The following LMBRD1 variants were observed in gnomAD, a reference collection of about 807,000 sequenced individuals.
LMBRD1 encodes lysosomal cobalamin transport escort protein LMBD1.
A neutral mutation model predicts 74.8 loss-of-function variants in LMBRD1; 64 were observed. That is an observed-to-expected ratio of 0.86 (90% CI 0.70 to 1.05). The LOEUF is 1.05. LMBRD1 is among the 50% of genes least tolerant of loss of function. LMBRD1 has a pLI of 0.00. For synonymous variants in LMBRD1, 204 were observed against 216.3 expected (o/e 0.94, Z 0.50); for missense variants, 652 against 645.9 (o/e 1.01, Z -0.10).
chr6:69,766,859 C>T (rs1765484290), intron 3 of LMBRD1, among the ~76,000 whole-genome samples: 1 of 151,500 alleles, frequency 6.6e-6, no homozygotes, highest in Non-Finnish European at 1.5e-5. Context: ...ATGGGGTTCT[C>T]TTTGTGGGAA....
rs539084833 is a variant in LMBRD1 at position 69,777,078 on chromosome 6, G to A, written c.307+3416C>T. Among the ~76,000 whole-genome samples the A allele has an allele frequency of 2.0e-3, 298 of 152,168 alleles. 1 individual carries two copies. The highest frequency in any genetic ancestry group is 7.0e-3 in the African/African-American group (289 of 41,494). ...CAAGAGAATCACTTGAACCTGGGAGGCGAAGGTTGCAGTGAGCCAAAATTG... is the reference window on the plus strand; with the variant it reads ...CAAGAGAATCACTTGAACCTGGGAGACGAAGGTTGCAGTGAGCCAAAATTG... On this transcript the variant is annotated intron_variant, in intron 3 of 15. Transcript: ENST00000649934.
intron 14 of LMBRD1, among the ~76,000 whole-genome samples, chr6:69,688,164 A>AAG (rs1260596479): frequency 6.6e-6 from 1 of 152,092 alleles, no homozygotes; most frequent in Non-Finnish European, 1.5e-5. Flanking sequence ...TTCACCCTTT[A>AAG]AGACTTAGTT....
Position 69,790,309 on chromosome 6 carries a change from T to A in LMBRD1, c.233A>T (p.Asn78Ile). Reference protein sequence around the residue: ...IFLVSYMKNQNGTFKDWANAN... With the variant: ...IFLVSYMKNQIGTFKDWANAN... Reference sequence around the variant, plus strand: ...GATTATATTTACCTTAAATGTACCATTTTGATTTTTCATGTAAGAAACCAA... The same window carrying A: ...GATTATATTTACCTTAAATGTACCAATTTGATTTTTCATGTAAGAAACCAA... Residue 78 changes from asparagine (N) to isoleucine (I), a missense_variant, in exon 2 of 16, where the codon AAT becomes ATT. Transcript: ENST00000649934. The A allele has an allele frequency of 6.2e-7, 1 of 1,609,906 alleles. No individual in the cohort carries two copies. The highest frequency in any genetic ancestry group is 8.5e-7 in the Non-Finnish European group (1 of 1,176,304).
At chr6:69,737,873 A>T in intron 7 of LMBRD1, 69 bp downstream of exon 7, 1 of 980,792 alleles carries the variant, frequency 1.0e-6, no homozygotes, top group Non-Finnish European at 1.6e-6. Flanking sequence ...AATAAAGTTT[A>T]ATAAATTACT....
At chr6:69,765,229 C>T (rs1356095259) in intron 3 of LMBRD1, among the ~76,000 whole-genome samples, 1 of 152,090 alleles carries the variant, frequency 6.6e-6, no homozygotes, top group South Asian at 2.1e-4. Flanking sequence ...TTGTGCCCCC[C>T]TCCCTTAATT....
intron 12 of LMBRD1, among the ~76,000 whole-genome samples, chr6:69,699,819 T>A (rs1234305356): frequency 2.0e-5 from 3 of 151,868 alleles, no homozygotes; most frequent in Non-Finnish European, 2.9e-5. Context: ...ACAATTGTAC[T>A]ATTGTAGTAC....
chr6:69,697,675 C>A, intron 13 of LMBRD1, 34 bp from the exon 14 acceptor site: 1 of 1,256,136 alleles, frequency 8.0e-7, no homozygotes, highest in Non-Finnish European at 1.2e-6. Context: ...AATATAAAAA[C>A]CGCATTAATA....
chr6:69,759,308 T>C (rs1765327575), intron 3 of LMBRD1, among the ~76,000 whole-genome samples: 1 of 152,106 alleles, frequency 6.6e-6, no homozygotes, highest in Admixed American at 6.6e-5. Flanking sequence ...AGACAGACTT[T>C]TCAACTCATT....
At chr6:69,777,635 A>G (rs1366819027) in intron 3 of LMBRD1, among the ~76,000 whole-genome samples, 1 of 152,036 alleles carries the variant, frequency 6.6e-6, no homozygotes, top group Non-Finnish European at 1.5e-5. Flanking sequence ...ACTGATCTTC[A>G]ACATCTCTCC....
chr6:69,687,145 A>G (rs1765780387), intron 14 of LMBRD1, among the ~76,000 whole-genome samples: 1 of 151,878 alleles, frequency 6.6e-6, no homozygotes, highest in East Asian at 1.9e-4. Context: ...CTATTCCTCT[A>G]CCTCCTCAAG....
intron 14 of LMBRD1, among the ~76,000 whole-genome samples, chr6:69,695,463 T>C (rs1765975238): frequency 6.6e-6 from 1 of 152,110 alleles, no homozygotes; most frequent in Non-Finnish European, 1.5e-5. Flanking sequence ...TATGTACCCC[T>C]GAGGGATTGG....
chr6:69,719,252 G>A (rs139938700), intron 7 of LMBRD1, among the ~76,000 whole-genome samples, 171 bp from the exon 8 acceptor site: 334 of 152,166 alleles, frequency 2.2e-3, no homozygotes, highest in Non-Finnish European at 3.6e-3. Context: ...TAATTCTCCC[G>A]TTTATTTTGC....
intron 9 of LMBRD1, among the ~76,000 whole-genome samples, chr6:69,708,026 A>C (rs1766300064): frequency 6.6e-6 from 1 of 152,180 alleles, no homozygotes; most frequent in African/African-American, 2.4e-5. Context: ...AATTACAAAC[A>C]TAAATTTATA....
At chr6:69,716,080 G>C (rs1452285694) in intron 8 of LMBRD1, among the ~76,000 whole-genome samples, 1 of 152,110 alleles carries the variant, frequency 6.6e-6, no homozygotes, top group Non-Finnish European at 1.5e-5. Flanking sequence ...GTGAACATTT[G>C]TGTGCATGTG....
chr6:69,741,899 T>C, intron 5 of LMBRD1, 22 bp from the exon 6 acceptor site: 1 of 1,290,434 alleles, frequency 7.7e-7, no homozygotes, highest in Non-Finnish European at 1.1e-6. Flanking sequence ...AAAATAATTG[T>C]TTTAATAGCT....
intron 6 of LMBRD1, 148 bp downstream of exon 6, chr6:69,741,641 G>T (rs141492871): frequency 1.1e-5 from 5 of 439,568 alleles, no homozygotes; most frequent in South Asian, 2.7e-5. Context: ...CCCACCCCTC[G>T]GCCTCCCAAA....
At chr6:69,738,171 GAA>G (rs1409595589) in intron 6 of LMBRD1, among the ~76,000 whole-genome samples, 156 bp from the exon 7 acceptor site, 2 of 152,108 alleles carry the variant, frequency 1.3e-5, no homozygotes, top group Non-Finnish European at 2.9e-5. Flanking sequence ...TCCAAGTGGA[GAA>G]AAGAGTTTCT....
chr6:69,740,811 A>C (rs951755579), intron 6 of LMBRD1, among the ~76,000 whole-genome samples: 1 of 152,204 alleles, frequency 6.6e-6, no homozygotes, highest in Non-Finnish European at 1.5e-5. Flanking sequence ...TACTATGTTC[A>C]AATGCACAAG....
intron 3 of LMBRD1, among the ~76,000 whole-genome samples, chr6:69,761,152 T>C (rs1007021209): frequency 6.6e-6 from 1 of 152,216 alleles, no homozygotes; most frequent in South Asian, 2.1e-4. Context: ...GAGTCAGATG[T>C]GCTGTGTAAG....
Sources: gnomAD v4.1 joint callset for allele counts (sites outside exome capture counted in the v4.1 genomes callset) on GRCh38, gnomAD v4.1.1 for gene constraint, MANE v1.5 for transcripts, NCBI Gene and HGNC (gene_info 2026-07-23, HGNC 2026-07-21) for gene names.